LRMDA: variants seen among roughly 807,000 people sequenced by gnomAD.
LRMDA encodes leucine-rich melanocyte differentiation-associated protein.
LRMDA carries 18 observed loss-of-function variants against 29.8 expected under a neutral mutation model. That is an observed-to-expected ratio of 0.60 (90% CI 0.42 to 0.90). The LOEUF is 0.90. Among genes scored for constraint, LRMDA ranks in the 40% least tolerant of loss-of-function variants. The probability of loss-of-function intolerance (pLI) is 0.00; values close to 1 mark genes in which losing one functional copy is unlikely to be tolerated. For missense variants in LRMDA, 273 were observed against 273.9 expected (o/e 1.00, Z 0.02); for synonymous variants, 125 against 109.4 (o/e 1.14, Z -0.89).
At chr10:75,959,751 G>A (rs188784674) in intron 2 of LRMDA, among the ~76,000 whole-genome samples, 22 of 152,204 alleles carry the variant, frequency 1.4e-4, no homozygotes, top group African/African-American at 5.3e-4. Flanking sequence ...CTATGTGAAT[G>A]ACTAATATCA....
intron 5 of LRMDA, among the ~76,000 whole-genome samples, chr10:76,148,215 C>A (rs1306195259): frequency 6.6e-6 from 1 of 152,196 alleles, no homozygotes; most frequent in African/African-American, 2.4e-5. Context: ...TCAAAGCTGT[C>A]AGAGAGGGAC....
intron 6 of LRMDA, among the ~76,000 whole-genome samples, chr10:76,326,918 T>C (rs1840840532): frequency 6.6e-6 from 1 of 152,184 alleles, no homozygotes; most frequent in Non-Finnish European, 1.5e-5. Flanking sequence ...ATGAAACTTT[T>C]ACTGATCTGA....
rs550478400 is a variant in LRMDA, at chr10:75,790,600, C to T, written c.132-245408C>T. Among the ~76,000 whole-genome samples, 12 of 152,350 alleles carry T rather than the reference C, an allele frequency of 7.9e-5. No individual in the cohort carries two copies. The East Asian group carries it at 2.1e-3, about 27-fold the overall frequency. Reference sequence around the variant, plus strand: ...TATCACAAGAGCTTATGCTGCTCCTCTTCTTGGTACCAAGCTCGGCCTTCA... The same window carrying T: ...TATCACAAGAGCTTATGCTGCTCCTTTTCTTGGTACCAAGCTCGGCCTTCA... On this transcript the variant is annotated intron_variant, in intron 2 of 6. Coordinates refer to ENST00000611255, the MANE Select transcript of LRMDA (RefSeq NM_001305581.2).
intron 2 of LRMDA, among the ~76,000 whole-genome samples, chr10:75,931,826 C>T (rs550872596): frequency 9.8e-5 from 15 of 152,290 alleles, no homozygotes; most frequent in African/African-American, 3.6e-4. Flanking sequence ...CAGTCATACT[C>T]AGGGTGTGCA....
At chr10:75,885,340 G>T (rs1262583696) in intron 2 of LRMDA, among the ~76,000 whole-genome samples, 3 of 152,188 alleles carry the variant, frequency 2.0e-5, no homozygotes, top group East Asian at 1.9e-4. Flanking sequence ...AACTGTTTCG[G>T]ATGTGATCCT....
chr10:75,605,409 C>T (rs549853409), intron 2 of LRMDA, among the ~76,000 whole-genome samples: 32 of 152,264 alleles, frequency 2.1e-4, no homozygotes, highest in African/African-American at 6.5e-4. Context: ...CAAAATTTCC[C>T]GTGTTTGCCC....
chr10:75,915,501 G>A (rs1845918623), intron 2 of LRMDA, among the ~76,000 whole-genome samples: 1 of 152,088 alleles, frequency 6.6e-6, no homozygotes, highest in African/African-American at 2.4e-5. Context: ...CAGCCTCCTA[G>A]AGTGCTGGGA....
At chr10:75,663,578 A>T (rs927891028) in intron 2 of LRMDA, among the ~76,000 whole-genome samples, 2 of 152,184 alleles carry the variant, frequency 1.3e-5, no homozygotes, top group Non-Finnish European at 2.9e-5. Context: ...AGCCCTGGAG[A>T]TAAAGGGATG....
At chr10:76,432,411 A>G (rs751654883) in intron 6 of LRMDA, among the ~76,000 whole-genome samples, 2 of 152,086 alleles carry the variant, frequency 1.3e-5, no homozygotes, top group Non-Finnish European at 2.9e-5. Context: ...GCCTCACCCA[A>G]AGCAACATTT....
intron 5 of LRMDA, among the ~76,000 whole-genome samples, chr10:76,250,883 G>A (rs911403911): frequency 3.3e-5 from 5 of 152,172 alleles, no homozygotes; most frequent in African/African-American, 1.2e-4. Flanking sequence ...TCAATCAGAG[G>A]GGTATTGGGG....
At chr10:76,403,728 T>G (rs1841873449) in intron 6 of LRMDA, among the ~76,000 whole-genome samples, 1 of 152,144 alleles carries the variant, frequency 6.6e-6, no homozygotes, top group Non-Finnish European at 1.5e-5. Flanking sequence ...GGGTTCTATT[T>G]TGTTCATGAT....
chr10:76,245,781 A>G (rs975992725), intron 5 of LRMDA, among the ~76,000 whole-genome samples: 2 of 152,216 alleles, frequency 1.3e-5, no homozygotes, highest in African/African-American at 2.4e-5. Context: ...CATGCATTGT[A>G]TACAATACAC....
intron 2 of LRMDA, among the ~76,000 whole-genome samples, chr10:75,809,705 G>A (rs1843923015): frequency 6.6e-6 from 1 of 152,110 alleles, no homozygotes; most frequent in Non-Finnish European, 1.5e-5. Flanking sequence ...ATGTTCCAGT[G>A]GGAAGGATAG....
intron 2 of LRMDA, among the ~76,000 whole-genome samples, chr10:75,867,285 C>T (rs1324048301): frequency 6.6e-6 from 1 of 152,160 alleles, no homozygotes; most frequent in African/African-American, 2.4e-5. Flanking sequence ...GCCTCAGCCT[C>T]CTGAGTAGCT....
chr10:75,722,166 T>TTAGTG (rs1261690921), intron 2 of LRMDA, among the ~76,000 whole-genome samples: 1 of 152,100 alleles, frequency 6.6e-6, no homozygotes, highest in Non-Finnish European at 1.5e-5. Flanking sequence ...AAATAATCAA[T>TTAGTG]GCCACTAATC....
At chr10:75,667,967 C>T (rs113594073) in intron 2 of LRMDA, among the ~76,000 whole-genome samples, 386 of 152,354 alleles carry the variant, frequency 2.5e-3, no homozygotes, top group Non-Finnish European at 4.5e-3. Flanking sequence ...CTATCAACAG[C>T]AACCACTCAC....
chr10:75,903,716 G>A (rs150780390), intron 2 of LRMDA, among the ~76,000 whole-genome samples: 91 of 152,262 alleles, frequency 6.0e-4, no homozygotes, highest in Non-Finnish European at 1.1e-3. Flanking sequence ...CAGCCACTCC[G>A]TTGCATTGCA....
At chr10:76,168,672 G>C (rs919226450) in intron 5 of LRMDA, among the ~76,000 whole-genome samples, 1 of 152,156 alleles carries the variant, frequency 6.6e-6, no homozygotes, top group Non-Finnish European at 1.5e-5. Context: ...GTAGATGAAA[G>C]GGGATGATGA....
At chr10:75,620,945 C>A (rs889859189) in intron 2 of LRMDA, among the ~76,000 whole-genome samples, 3 of 152,142 alleles carry the variant, frequency 2.0e-5, no homozygotes, top group African/African-American at 7.2e-5. Flanking sequence ...ATCACCTGAA[C>A]AGTGTACACT....
Sources: allele counts gnomAD v4.1 joint callset (sites outside exome capture counted in the v4.1 genomes callset), GRCh38; gene constraint gnomAD v4.1.1; transcripts MANE v1.5; gene names NCBI Gene and HGNC (gene_info 2026-07-23, HGNC 2026-07-21).